PDE4D: variants seen among roughly 807,000 people sequenced by gnomAD.
PDE4D encodes the protein 3',5'-cyclic-AMP phosphodiesterase 4D.
A neutral mutation model predicts 87.4 loss-of-function variants in PDE4D; 24 were observed. That is an observed-to-expected ratio of 0.27 (90% CI 0.20 to 0.39). The LOEUF (loss-of-function observed/expected upper bound fraction) is 0.39. Ranked by LOEUF, PDE4D falls within the 10% of genes least tolerant of loss-of-function variation. The pLI is 1.00. For missense variants in PDE4D, 714 were observed against 1,041.0 expected, an observed-to-expected ratio of 0.69 and a Z score of 4.32; for synonymous variants, 384 against 383.2, an observed-to-expected ratio of 1.00 and a Z score of -0.02.
Position 59,771,463 on chromosome 5 carries a change from A to G in PDE4D, c.455+121705T>C, listed in dbSNP as rs1234503215. 5.0e-3 allele frequency among the ~76,000 whole-genome samples: 362 copies of G among 72,902 alleles called. 3 individuals carry two copies. The highest frequency in any genetic ancestry group is 0.018 in the African/African-American group (268 of 14,894). 47.8% of individuals were successfully genotyped at this position (72,902 alleles called of 152,430 possible). On this transcript the variant is annotated intron_variant, in intron 1 of 14. Coordinates refer to ENST00000340635, the MANE Select transcript of PDE4D (RefSeq NM_001104631.2). ...AAAGAAAGAAAGAAAGAAAGAAAGA[A>G]AGAAAGAAAGAAAGAAAGAAAGAGA...
intron 1 of PDE4D, among the ~76,000 whole-genome samples, chr5:59,227,363 T>G (rs905428315): frequency 5.3e-5 from 8 of 151,962 alleles, no homozygotes; most frequent in Non-Finnish European, 8.8e-5. Flanking sequence ...CAAAAGCAAT[T>G]GCAACAAAAG....
rs955501258 is a variant in PDE4D, at chr5:59,202,191, C to T, written c.648-8655G>A. 2.4e-4 allele frequency among the ~76,000 whole-genome samples: 37 copies of T among 151,898 alleles called. No individual in the cohort carries two copies. In the East Asian group the frequency reaches 7.2e-3, roughly 30 times the overall value. ...AGTAGCTGGGACTACAGGCGCCTGC[C>T]ACCATGCCCAGCTAATTTTTTTGTA... On this transcript the variant is annotated intron_variant, in intron 2 of 14. Coordinates refer to ENST00000340635, the MANE Select transcript of PDE4D (RefSeq NM_001104631.2).
At chr5:59,722,899 C>A (rs1051468215) in intron 1 of PDE4D, among the ~76,000 whole-genome samples, 1 of 152,074 alleles carries the variant, frequency 6.6e-6, no homozygotes, top group African/African-American at 2.4e-5. Flanking sequence ...CGTGTTTGCC[C>A]TTTTTCTGTT....
chr5:60,238,272 C>T (rs1583175820), intron 1 of PDE4D, among the ~76,000 whole-genome samples: 1 of 151,884 alleles, frequency 6.6e-6, no homozygotes, highest in African/African-American at 2.4e-5. Context: ...AAGTCCATTG[C>T]ACAAATATCC....
At chr5:59,636,013 A>G (rs937736493) in intron 1 of PDE4D, among the ~76,000 whole-genome samples, 1 of 152,368 alleles carries the variant, frequency 6.6e-6, no homozygotes, top group Non-Finnish European at 1.5e-5. Context: ...AAACTCCTTA[A>G]GCTGATAAGC....
intron 2 of PDE4D, among the ~76,000 whole-genome samples, chr5:60,175,544 T>G (rs1783835107): frequency 6.6e-6 from 1 of 152,184 alleles, no homozygotes; most frequent in Non-Finnish European, 1.5e-5. Context: ...TTTTGGATTC[T>G]TAAAGAGGAA....
intron 3 of PDE4D, among the ~76,000 whole-genome samples, chr5:59,958,994 T>C (rs563040886): frequency 6.6e-6 from 1 of 152,212 alleles, no homozygotes; most frequent in Non-Finnish European, 1.5e-5. Flanking sequence ...TCAGTAAAGT[T>C]TCAGGATACA....
chr5:59,893,976 C>A (rs1430561029), upstream of PDE4D, among the ~76,000 whole-genome samples: 1 of 152,144 alleles, frequency 6.6e-6, no homozygotes, highest in Non-Finnish European at 1.5e-5. Flanking sequence ...GCGGCGAGAG[C>A]AGGGATTGTC....
chr5:59,424,913 G>T (rs1794985307), intron 1 of PDE4D, among the ~76,000 whole-genome samples: 1 of 152,192 alleles, frequency 6.6e-6, no homozygotes, highest in Non-Finnish European at 1.5e-5. Context: ...CTTAATATAT[G>T]TAAGTGTATG....
intron 1 of PDE4D, among the ~76,000 whole-genome samples, chr5:60,321,224 A>T (rs1756233075): frequency 6.6e-6 from 1 of 152,240 alleles, no homozygotes; most frequent in South Asian, 2.1e-4. Context: ...AACAGACTAG[A>T]GAGCCCAGAA....
At chr5:60,287,449 G>A (rs1404246575) in intron 1 of PDE4D, among the ~76,000 whole-genome samples, 1 of 152,190 alleles carries the variant, frequency 6.6e-6, no homozygotes, top group Non-Finnish European at 1.5e-5. Context: ...CTGCGGGAAG[G>A]CTCTTCAAAG....
intron 1 of PDE4D, among the ~76,000 whole-genome samples, chr5:60,465,125 AAAAT>A (rs888935995): frequency 4.6e-5 from 7 of 151,928 alleles, no homozygotes; most frequent in South Asian, 2.1e-4. Flanking sequence ...TAAATAAATA[AAAAT>A]AAATAATTAA....
chr5:59,294,401 A>T (rs774858096), intron 1 of PDE4D, among the ~76,000 whole-genome samples: 2 of 152,196 alleles, frequency 1.3e-5, no homozygotes, highest in African/African-American at 2.4e-5. Context: ...AAATGGTGAC[A>T]TAATGTAACT....
chr5:60,037,031 C>CAG (rs892898121), intron 2 of PDE4D, among the ~76,000 whole-genome samples: 1 of 152,176 alleles, frequency 6.6e-6, no homozygotes, highest in Non-Finnish European at 1.5e-5. Context: ...GATATGTCAG[C>CAG]AGAGACCAGA....
chr5:59,472,079 T>C (rs1802534243), intron 1 of PDE4D, among the ~76,000 whole-genome samples: 1 of 152,146 alleles, frequency 6.6e-6, no homozygotes, highest in Non-Finnish European at 1.5e-5. Context: ...AGCCAATTTA[T>C]GCAAAAAGAG....
intron 1 of PDE4D, among the ~76,000 whole-genome samples, chr5:59,344,691 C>G (rs913436534): frequency 6.6e-6 from 1 of 152,158 alleles, no homozygotes; most frequent in Non-Finnish European, 1.5e-5. Context: ...AACCACTGTG[C>G]CCCACCTCGT....
At chr5:59,632,498 G>T (rs761103386) in intron 1 of PDE4D, among the ~76,000 whole-genome samples, 15 of 152,174 alleles carry the variant, frequency 9.9e-5, no homozygotes, top group Non-Finnish European at 1.9e-4. Flanking sequence ...GAGAGTTCTG[G>T]CTGGCATCTG....
intron 2 of PDE4D, among the ~76,000 whole-genome samples, chr5:59,214,398 A>G (rs1015900466): frequency 1.3e-5 from 2 of 152,048 alleles, no homozygotes; most frequent in Non-Finnish European, 2.9e-5. Context: ...GTTCAGCCAT[A>G]ATTTTCCATG....
At chr5:59,820,279 G>A (rs1460952417) in intron 1 of PDE4D, among the ~76,000 whole-genome samples, 2 of 152,016 alleles carry the variant, frequency 1.3e-5, no homozygotes, top group East Asian at 1.9e-4. Flanking sequence ...CTTTTCATTC[G>A]TTTTTATTCA....
Sources: allele counts gnomAD v4.1 joint callset (sites outside exome capture counted in the v4.1 genomes callset), GRCh38; gene constraint gnomAD v4.1.1; transcripts MANE v1.5; gene names NCBI Gene and HGNC (gene_info 2026-07-23, HGNC 2026-07-21).